The following KLHL18 variants were observed in gnomAD, a reference collection of about 807,000 sequenced individuals.
The protein encoded by KLHL18 is kelch like family member 18.
In KLHL18, 38 loss-of-function variants were observed where a neutral mutation model predicts 58.5. The observed-to-expected ratio is 0.65, with a 90% CI of 0.50 to 0.85. KLHL18 has a LOEUF of 0.85. Ranked by LOEUF, KLHL18 falls within the 40% of genes least tolerant of loss-of-function variation. The probability of loss-of-function intolerance (pLI) is 0.00; values close to 1 mark genes in which losing one functional copy is unlikely to be tolerated. For missense variants in KLHL18, 624 were observed against 778.4 expected (o/e 0.80, Z 2.36); for synonymous variants, 303 against 301.9 (o/e 1.00, Z -0.04).
At chr3:47,290,209 G>A (rs1702762259) in intron 1 of KLHL18, among the ~76,000 whole-genome samples, 1 of 152,270 alleles carries the variant, frequency 6.6e-6, no homozygotes, top group South Asian at 2.1e-4. Flanking sequence ...AGGGAACAAA[G>A]CATCCTTAGT....
rs1050131000 is a variant in KLHL18, at chr3:47,319,700, G to A, written c.177G>A (p.Ser59=). The A allele has an allele frequency of 9.9e-6, 16 of 1,613,920 alleles. No homozygotes were observed. Among genetic ancestry groups the A allele is most frequent in the Non-Finnish European group, 1.2e-5 (14 of 1,179,916 alleles). Residue 59 remains serine (S), a synonymous_variant, in exon 2 of 10, where the codon TCG becomes TCA. Coordinates refer to ENST00000232766, the MANE Select transcript of KLHL18 (RefSeq NM_025010.5). ...FSAHRIVLAA[S]IPYFHAMFTN... ...CCCACCGGATTGTCTTAGCAGCCTC[G>A]ATCCCGTATTTCCATGCTATGTTTA...
intron 4 of KLHL18, among the ~76,000 whole-genome samples, chr3:47,332,479 A>C (rs1051218376): frequency 2.6e-5 from 4 of 152,174 alleles, no homozygotes; most frequent in South Asian, 4.2e-4. Context: ...GCTTGATAGG[A>C]GCCTGGGAGA....
chr3:47,334,846 C>T lies in KLHL18; in HGVS notation c.898+27C>T, dbSNP rs1485302088. On this transcript the variant is annotated intron_variant, in intron 6 of 9. Transcript: ENST00000232766. This position sits in a 1 kb window ranked among gnomAD's most constrained non-coding sequence, Gnocchi z 4.7. ...TACCTTGCGGCTCCCCTTTATAGAC[C>T]CTCCTCTTGGACTCCATGGATGAGG... The T allele has an allele frequency of 2.5e-6, 4 of 1,590,348 alleles. No individual in the cohort carries two copies. Among genetic ancestry groups the T allele is most frequent in the Non-Finnish European group, 2.6e-6 (3 of 1,167,688 alleles).
At chr3:47,336,860 G>T in intron 7 of KLHL18, 103 bp downstream of exon 7, 1 of 939,574 alleles carries the variant, frequency 1.1e-6, no homozygotes, top group African/African-American at 1.6e-5. Context: ...ACAAGCTTTG[G>T]CCTGGGAGTT....
chr3:47,315,781 A>G (rs1390527148), intron 1 of KLHL18, among the ~76,000 whole-genome samples: 1 of 152,220 alleles, frequency 6.6e-6, no homozygotes, highest in Non-Finnish European at 1.5e-5. Context: ...GGAAACAGTA[A>G]AAGCAGAGAG....
At chr3:47,289,513 G>T (rs1350381906) in intron 1 of KLHL18, among the ~76,000 whole-genome samples, 2 of 152,220 alleles carry the variant, frequency 1.3e-5, no homozygotes, top group Non-Finnish European at 2.9e-5. Flanking sequence ...AGTAGGTGGA[G>T]AAGGATATGA....
intron 1 of KLHL18, among the ~76,000 whole-genome samples, chr3:47,309,422 C>T (rs921421106): frequency 2.0e-5 from 3 of 151,436 alleles, no homozygotes; most frequent in East Asian, 2.0e-4. Context: ...GATGGGGTCG[C>T]GGCCGGGCAG....
chr3:47,342,917 C>A, intron 9 of KLHL18, 87 bp downstream of exon 9: 1 of 996,874 alleles, frequency 1.0e-6, no homozygotes, highest in Non-Finnish European at 1.6e-6. Flanking sequence ...AAAACTTCAG[C>A]CTTGCCACAG....
chr3:47,330,461 A>C (rs1189652285), intron 4 of KLHL18, among the ~76,000 whole-genome samples: 1 of 151,942 alleles, frequency 6.6e-6, no homozygotes, highest in Non-Finnish European at 1.5e-5. Context: ...CACCACACCC[A>C]GCTAGTTTTT....
chr3:47,297,222 G>A (rs1290518293), intron 1 of KLHL18, among the ~76,000 whole-genome samples: 7 of 152,082 alleles, frequency 4.6e-5, no homozygotes, highest in Non-Finnish European at 8.8e-5. Flanking sequence ...AAATGCTATC[G>A]AAAACTGCAG....
At chr3:47,290,164 T>A (rs1467950410) in intron 1 of KLHL18, among the ~76,000 whole-genome samples, 1 of 152,216 alleles carries the variant, frequency 6.6e-6, no homozygotes, top group Non-Finnish European at 1.5e-5. Context: ...CCTGTCAGAT[T>A]ATTCACCTGC....
At chr3:47,290,413 A>C (rs527300772) in intron 1 of KLHL18, among the ~76,000 whole-genome samples, 2 of 150,522 alleles carry the variant, frequency 1.3e-5, no homozygotes, top group African/African-American at 4.9e-5. Context: ...TTCTACTGAC[A>C]TTTTTCATGT....
Position 47,333,259 on chromosome 3 carries a change from C to G in KLHL18, c.703C>G (p.Gln235Glu). 6.2e-7 allele frequency: 1 copy of G among 1,614,190 alleles called. No individual in the cohort carries two copies. The highest frequency in any genetic ancestry group is 1.1e-5 in the South Asian group (1 of 91,086). ...TATCCGCCTGCCCCTCTGTCGGCCCCAGTTCCTTTCAGACAGAGTACAGCA... is the reference window on the plus strand; with the variant it reads ...TATCCGCCTGCCCCTCTGTCGGCCCGAGTTCCTTTCAGACAGAGTACAGCA... ...SNIRLPLCRP[Q>E]FLSDRVQQDD... The change falls in exon 5 of 10, where the codon CAG becomes GAG. Residue 235 changes from glutamine (Q) to glutamate (E), a missense_variant. Physicochemically the swap from Gln to Glu is conservative, Grantham distance 29 (BLOSUM62 2). Coordinates refer to ENST00000232766, the MANE Select transcript of KLHL18 (RefSeq NM_025010.5).
chr3:47,286,982 AC>A (rs1232956828), intron 1 of KLHL18, among the ~76,000 whole-genome samples: 1 of 151,986 alleles, frequency 6.6e-6, no homozygotes, highest in Admixed American at 6.6e-5. Context: ...GGGGAGGGGG[AC>A]CAGTACTTCC....
At chr3:47,331,945 G>A (rs910119071) in intron 4 of KLHL18, among the ~76,000 whole-genome samples, 1 of 152,172 alleles carries the variant, frequency 6.6e-6, no homozygotes. Flanking sequence ...AGTAGCAGGA[G>A]GGAGAGCTGG....
chr3:47,284,246 GTC>G (rs1006615175), intron 1 of KLHL18, among the ~76,000 whole-genome samples: 1 of 149,416 alleles, frequency 6.7e-6, no homozygotes, highest in Non-Finnish European at 1.5e-5. Context: ...ATTTCTCTCT[GTC>G]TCTCTCACAC....
intron 1 of KLHL18, among the ~76,000 whole-genome samples, chr3:47,294,952 T>G (rs982966078): frequency 1.1e-4 from 16 of 151,982 alleles, no homozygotes; most frequent in Non-Finnish European, 1.9e-4. Context: ...AATCAGAGGT[T>G]AGAAACTTGT....
At chr3:47,288,628 A>G (rs531257034) in intron 1 of KLHL18, among the ~76,000 whole-genome samples, 1 of 152,216 alleles carries the variant, frequency 6.6e-6, no homozygotes, top group Non-Finnish European at 1.5e-5. Flanking sequence ...TTTGGAAAAT[A>G]TTTGAAATTT....
chr3:47,309,832 C>T (rs1363274860), intron 1 of KLHL18, among the ~76,000 whole-genome samples: 1 of 152,168 alleles, frequency 6.6e-6, no homozygotes. Flanking sequence ...ACCCCGTCTC[C>T]ACCAAAAAAA....
Sources: allele counts gnomAD v4.1 joint callset (sites outside exome capture counted in the v4.1 genomes callset), GRCh38; gene constraint gnomAD v4.1.1; non-coding constraint Gnocchi (gnomAD v3.1); transcripts MANE v1.5; gene names NCBI Gene and HGNC (gene_info 2026-07-23, HGNC 2026-07-21).